Variants in RUVBL1 observed in about 807,000 individuals in gnomAD.
RUVBL1 encodes the protein RuvB like AAA ATPase 1.
Under a neutral mutation model 52.4 loss-of-function variants are expected in RUVBL1, and 4 were observed. The ratio of observed to expected loss-of-function variants is 0.08; its 90% CI spans 0.04 to 0.17. The LOEUF (loss-of-function observed/expected upper bound fraction) is 0.17, where lower values mean the gene tolerates loss of function less well. Among genes scored for constraint, RUVBL1 ranks in the 10% least tolerant of loss-of-function variants. RUVBL1 has a pLI of 1.00. For missense variants in RUVBL1, 298 were observed against 572.8 expected, an observed-to-expected ratio of 0.52 and a Z score of 4.90; for synonymous variants, 217 against 214.4, an observed-to-expected ratio of 1.01 and a Z score of -0.10.
In RUVBL1 at chr3:128,111,557, G is replaced by C. The variant is rs568452908; in HGVS notation, c.361+1331C>G. ...TTTGCACTTCCACTGCCACCACCCT[G>C]GTCCAAGCCACTATTTTGTCCTGCT... On this transcript the variant is annotated intron_variant, in intron 3 of 10. Transcript: ENST00000322623. Among the ~76,000 whole-genome samples, 14 of 152,174 alleles carry C rather than the reference G, an allele frequency of 9.2e-5. No individual in the cohort carries two copies. The South Asian group carries it at 2.9e-3, about 32-fold the overall frequency.
rs200986821 is a variant in RUVBL1, at chr3:128,067,076, C to T, written c.940-1856G>A. 1.9e-6 allele frequency: 3 copies of T among 1,614,192 alleles called. No homozygotes were observed. The highest frequency in any genetic ancestry group is 1.7e-5 in the Admixed American group (1 of 60,030). On this transcript the variant is annotated intron_variant, in intron 9 of 9. Transcript: ENST00000464873. The surrounding 1 kb of genome is among the most constrained non-coding windows in gnomAD (Gnocchi z 4.1). ...TCCTGCAGTCTGCCCTGGTGTCCAACCTTTATGTCATCTCCCAAATGCTCT... is the reference window on the plus strand; with the variant it reads ...TCCTGCAGTCTGCCCTGGTGTCCAATCTTTATGTCATCTCCCAAATGCTCT...
intron 4 of RUVBL1, 67 bp downstream of exon 4, chr3:128,104,706 A>C: frequency 1.4e-6 from 2 of 1,432,000 alleles, no homozygotes; most frequent in Non-Finnish European, 1.9e-6. Context: ...GAGAGGTTAC[A>C]CCACCTGCCC....
At chr3:128,151,886 G>C (rs1390459184) in intron 1 of RUVBL1, among the ~76,000 whole-genome samples, 2 of 152,162 alleles carry the variant, frequency 1.3e-5, no homozygotes, top group African/African-American at 4.8e-5. Context: ...GCAAAGGTAA[G>C]ATCCTGTGAA....
intron 4 of RUVBL1, among the ~76,000 whole-genome samples, chr3:128,103,330 G>A (rs1444322336): frequency 6.6e-6 from 1 of 152,192 alleles, no homozygotes. Context: ...TACTGGAAAG[G>A]TGGCAGATGC....
chr3:128,074,500 G>A (rs542073010), intron 9 of RUVBL1, among the ~76,000 whole-genome samples: 1 of 152,248 alleles, frequency 6.6e-6, no homozygotes, highest in East Asian at 1.9e-4. Flanking sequence ...AACTCATGGA[G>A]TGCTCCACTT....
intron 2 of RUVBL1, 69 bp downstream of exon 2, chr3:128,119,259 A>G: frequency 8.6e-7 from 1 of 1,159,530 alleles, no homozygotes; most frequent in South Asian, 1.4e-5. Flanking sequence ...TTAAGACATG[A>G]ATTCAATTTG....
chr3:128,086,575 C>T (rs1165043737), intron 9 of RUVBL1, among the ~76,000 whole-genome samples: 2 of 152,242 alleles, frequency 1.3e-5, no homozygotes, highest in Non-Finnish European at 2.9e-5. Flanking sequence ...GAGCACAGCA[C>T]ATGCTGCCTC....
chr3:128,101,613 C>T lies in RUVBL1; in HGVS notation c.549G>A (p.Glu183=). The T allele has an allele frequency of 6.2e-7, 1 of 1,614,046 alleles. No homozygotes were observed. Among genetic ancestry groups the T allele is most frequent in the Non-Finnish European group, 8.5e-7 (1 of 1,180,042 alleles). ...AAATCACATCTCCAGCTTCTACTCG[C>T]TCTTTCTGCAAACTTTCAAAAATGC... The part of the protein sequence containing the change: ...DPSIFESLQK[E]RVEAGDVIYI... Residue 183 remains glutamate (E), a synonymous_variant, in exon 5 of 11, where the codon GAG becomes GAA. Transcript: ENST00000322623.
Position 128,067,957 on chromosome 3 carries a change from A to G in RUVBL1, c.940-2737T>C, listed in dbSNP as rs377517878. The G allele has an allele frequency of 5.5e-5, 88 of 1,606,808 alleles. No homozygotes were observed. Among genetic ancestry groups the G allele is most frequent in the African/African-American group, 1.9e-4 (14 of 74,626 alleles). ...ATTTCCCCTTCAGCCTCCAATTCCAACTTCTCCCCTGTGGGCACCCTGCAG... is the reference window on the plus strand; with the variant it reads ...ATTTCCCCTTCAGCCTCCAATTCCAGCTTCTCCCCTGTGGGCACCCTGCAG... On this transcript the variant is annotated intron_variant, in intron 9 of 9. Transcript: ENST00000464873. This position sits in a 1 kb window ranked among gnomAD's most constrained non-coding sequence, Gnocchi z 4.1.
intron 8 of RUVBL1, among the ~76,000 whole-genome samples, chr3:128,092,768 C>T (rs1260237741): frequency 6.6e-6 from 1 of 152,232 alleles, no homozygotes; most frequent in Admixed American, 6.5e-5. Context: ...AATGATGCAG[C>T]TGGCTTTGGA....
At chr3:128,150,641 A>ATG (rs1944172781) in intron 1 of RUVBL1, among the ~76,000 whole-genome samples, 5 of 109,680 alleles carry the variant, frequency 4.6e-5, no homozygotes, top group Non-Finnish European at 9.6e-5. Context: ...TATATTCTAT[A>ATG]CATATATTCT....
At chr3:128,129,773 A>C (rs1297387106) in intron 1 of RUVBL1, among the ~76,000 whole-genome samples, 1 of 152,244 alleles carries the variant, frequency 6.6e-6, no homozygotes, top group African/African-American at 2.4e-5. Context: ...CAGTCACAAA[A>C]AGACAAGTAC....
chr3:128,074,356 G>T (rs1044325830), intron 9 of RUVBL1, among the ~76,000 whole-genome samples: 1 of 148,586 alleles, frequency 6.7e-6, no homozygotes, highest in Non-Finnish European at 1.5e-5. Context: ...AAATTCTAGA[G>T]CAGGAAAACC....
At chr3:128,113,053 A>AT in intron 2 of RUVBL1, 33 bp from the exon 3 acceptor site, 3 of 1,609,428 alleles carry the variant, frequency 1.9e-6, no homozygotes, top group Non-Finnish European at 2.5e-6. Flanking sequence ...CACAGTTCAC[A>AT]GTCCTGAAAA....
intron 6 of RUVBL1, among the ~76,000 whole-genome samples, chr3:128,099,503 T>G (rs755105377): frequency 3.3e-5 from 5 of 152,210 alleles, no homozygotes; most frequent in African/African-American, 4.8e-5. Context: ...TCTCACTAGA[T>G]TTGACCACAG....
At position 128,088,861 on chromosome 3, in the gene RUVBL1, ATTG is replaced by A. The variant is rs1456814567; in HGVS notation, c.1017-1056_1017-1054del. ...TTGTTGAGCATTTAGGTAGTTTCCA[ATTG>A]TTGCTATTATTTTTATTGATATTTT... On this transcript the variant is annotated intron_variant, in intron 8 of 10. Coordinates refer to ENST00000322623, the MANE Select transcript of RUVBL1 (RefSeq NM_003707.3). 2.0e-5 allele frequency among the ~76,000 whole-genome samples: 3 copies of A among 152,224 alleles called. No homozygotes were observed. In the East Asian group the frequency reaches 5.8e-4, roughly 29 times the overall value.
chr3:128,077,883 T>C (rs1304192551), downstream of RUVBL1, among the ~76,000 whole-genome samples: 1 of 152,232 alleles, frequency 6.6e-6, no homozygotes, highest in Non-Finnish European at 1.5e-5. Flanking sequence ...TTACTGCCTC[T>C]TAGTCTCTTG....
chr3:128,088,133 A>C (rs569558260), intron 8 of RUVBL1, among the ~76,000 whole-genome samples: 6 of 152,040 alleles, frequency 3.9e-5, no homozygotes, highest in Admixed American at 3.3e-4. Context: ...ATGGTGGTGC[A>C]CACCTGTAAT....
Position 128,067,978 on chromosome 3 carries a change from T to C in RUVBL1, c.940-2758A>G, listed in dbSNP as rs1576426402. On this transcript the variant is annotated intron_variant, in intron 9 of 9. Coordinates refer to the RUVBL1 transcript ENST00000464873. This position sits in a 1 kb window ranked among gnomAD's most constrained non-coding sequence, Gnocchi z 4.1. ...TCCAACTTCTCCCCTGTGGGCACCC[T>C]GCAGGTTGCAAAGCAGCTGAAGGAG... is the stretch of plus-strand genomic sequence containing the variant. 1 of 1,613,644 alleles carries C rather than the reference T, an allele frequency of 6.2e-7. No homozygotes were observed. The highest frequency in any genetic ancestry group is 1.7e-5 in the Admixed American group (1 of 60,028).
Sources: gnomAD v4.1 joint callset for allele counts (sites outside exome capture counted in the v4.1 genomes callset) on GRCh38, gnomAD v4.1.1 for gene constraint, Gnocchi (gnomAD v3.1) non-coding constraint, MANE v1.5 for transcripts, NCBI Gene and HGNC (gene_info 2026-07-23, HGNC 2026-07-21) for gene names.